LONRF2: variants seen among roughly 807,000 people sequenced by gnomAD.
LONRF2 encodes LON peptidase N-terminal domain and RING finger protein 2.
Under a neutral mutation model 66.6 loss-of-function variants are expected in LONRF2, and 35 were observed. The observed-to-expected ratio is 0.53, with a 90% CI of 0.40 to 0.70. The LOEUF (loss-of-function observed/expected upper bound fraction) is 0.70, where lower values mean the gene tolerates loss of function less well. Among genes scored for constraint, LONRF2 ranks in the 30% least tolerant of loss-of-function variants. The pLI, the probability that LONRF2 is intolerant of heterozygous loss-of-function variation, is 0.00. For missense variants in LONRF2, 902 were observed against 1,002.1 expected, an observed-to-expected ratio of 0.90 and a Z score of 1.35; for synonymous variants, 417 against 418.1, an observed-to-expected ratio of 1.00 and a Z score of 0.03.
At position 100,302,919 on chromosome 2, in the gene LONRF2, A is replaced by G. The variant is rs766806386; in HGVS notation, c.921+2T>C. 1 of 1,595,454 alleles carries G rather than the reference A, an allele frequency of 6.3e-7. No homozygotes were observed. The highest frequency in any genetic ancestry group is 8.5e-7 in the Non-Finnish European group (1 of 1,170,518). On this transcript the variant is annotated splice_donor_variant, in intron 3 of 11. Transcript: ENST00000393437. LOFTEE classifies it high-confidence loss of function. ...GAGAAAGTCCTTTAACAGAACTCAT[A>G]CCTTCTGTGCTTCTTTCTTCACAGA...
chr2:100,315,439 C>T (rs945888870), intron 1 of LONRF2, among the ~76,000 whole-genome samples: 6 of 152,112 alleles, frequency 3.9e-5, no homozygotes, highest in African/African-American at 7.2e-5. Context: ...TAATACATAG[C>T]TATCTAGAAT....
chr2:100,284,572 A>C, intron 11 of LONRF2, 80 bp from the exon 12 acceptor site: 1 of 1,198,480 alleles, frequency 8.3e-7, no homozygotes, highest in Non-Finnish European at 1.1e-6. Context: ...TGCTCCACCA[A>C]CAGACACGTG....
Position 100,273,764 on chromosome 2 carries a change from A to C in LONRF2, c.*10534T>G, listed in dbSNP as rs1483100159. 9.2e-5 allele frequency: 14 copies of C among 152,228 alleles called. No individual in the cohort carries two copies. Among genetic ancestry groups the C allele is most frequent in the Admixed American group, 9.2e-4 (14 of 15,288 alleles). 9.4% of individuals were successfully genotyped at this position (152,228 alleles called of 1,614,324 possible). On this transcript the variant is annotated 3_prime_UTR_variant, in exon 12 of 12. Coordinates refer to ENST00000393437, the MANE Select transcript of LONRF2 (RefSeq NM_198461.4). ...TTCAAATTTGCTCTTCTTATTAAAC[A>C]GAAAAAAAATACACATTCAATTCCT... is the stretch of plus-strand genomic sequence containing the variant.
rs1675656785 is a variant in LONRF2 at position 100,322,292 on chromosome 2, TG to T, written c.-200del. 1 of 415,638 alleles carries T rather than the reference TG, an allele frequency of 2.4e-6. No individual in the cohort carries two copies. The highest frequency in any genetic ancestry group is 1.2e-4 in the South Asian group (1 of 8,114). 25.7% of individuals were successfully genotyped at this position (415,638 alleles called of 1,614,324 possible). On this transcript the variant is annotated 5_prime_UTR_variant, in exon 1 of 12. Coordinates refer to ENST00000393437, the MANE Select transcript of LONRF2 (RefSeq NM_198461.4). ...CTTGGGCAGCGTCCTCAGCGCGGTG[TG>T]GGCGGCGAGCCCCGCAGGGCTGCAA...
In LONRF2 at chr2:100,278,665, G is replaced by A. The variant is rs1674648094; in HGVS notation, c.*5633C>T. 1 of 152,176 alleles carries A rather than the reference G, an allele frequency of 6.6e-6. No homozygotes were observed. The highest frequency in any genetic ancestry group is 1.5e-5 in the Non-Finnish European group (1 of 68,062). 9.4% of individuals were successfully genotyped at this position (152,176 alleles called of 1,614,324 possible). A position where few individuals can be genotyped will look rare whatever the true frequency, so the allele number is the denominator to read the frequency against. Reference sequence around the variant, plus strand: ...ATCAGCACGAGTGGGGGTCCGCTTAGAAAGGAGACCCCACGTCTCACATCC... The same window carrying A: ...ATCAGCACGAGTGGGGGTCCGCTTAAAAAGGAGACCCCACGTCTCACATCC... On this transcript the variant is annotated 3_prime_UTR_variant, in exon 12 of 12. Coordinates refer to ENST00000393437, the MANE Select transcript of LONRF2 (RefSeq NM_198461.4).
Position 100,287,083 on chromosome 2 carries a change from C to T in LONRF2, c.1921-20G>A, listed in dbSNP as rs772507735. 6.2e-7 allele frequency: 1 copy of T among 1,611,912 alleles called. No individual in the cohort carries two copies. Among genetic ancestry groups the T allele is most frequent in the South Asian group, 1.1e-5 (1 of 90,550 alleles). The stretch of plus-strand genomic sequence containing the variant: ...CTCCACCTGATCAGGGAAAGAGGCA[C>T]AGCTGTGTGAACCATTCACAGTAAT... On this transcript the variant is annotated intron_variant, in intron 10 of 11. Coordinates refer to ENST00000393437, the MANE Select transcript of LONRF2 (RefSeq NM_198461.4).
intron 1 of LONRF2, among the ~76,000 whole-genome samples, chr2:100,318,556 G>A (rs1402698036): frequency 6.6e-6 from 1 of 152,152 alleles, no homozygotes; most frequent in Non-Finnish European, 1.5e-5. Context: ...ATCAGGTGTG[G>A]TGGCTCATGT....
intron 9 of LONRF2, 31 bp downstream of exon 9, chr2:100,294,198 A>C: frequency 6.2e-7 from 1 of 1,600,622 alleles, no homozygotes; most frequent in Non-Finnish European, 8.5e-7. Flanking sequence ...CTTCATTAGG[A>C]CCCTTTGAAC....
Position 100,280,668 on chromosome 2 carries a change from C to G in LONRF2, c.*3630G>C, listed in dbSNP as rs1674697421. ...TGGTGGCGCGTGCCTGTAATCCCAG[C>G]TACTCAGGGGGCCAAGGCAAGAGAA... On this transcript the variant is annotated 3_prime_UTR_variant, in exon 12 of 12. Coordinates refer to ENST00000393437, the MANE Select transcript of LONRF2 (RefSeq NM_198461.4). The G allele has an allele frequency of 6.6e-6, 1 of 152,054 alleles. No individual in the cohort carries two copies. The highest frequency in any genetic ancestry group is 2.4e-5 in the African/African-American group (1 of 41,384). 9.4% of individuals were successfully genotyped at this position (152,054 alleles called of 1,614,324 possible). A position where few individuals can be genotyped will look rare whatever the true frequency, so the allele number is the denominator to read the frequency against.
At position 100,284,136 on chromosome 2, in the gene LONRF2, C is replaced by A; in HGVS notation, c.*162G>T. Reference sequence around the variant, plus strand: ...ACACAAGGTCAGATCCCACCAGACACAGAATTGTCATTTTTGAGGAGGACT... The same window carrying A: ...ACACAAGGTCAGATCCCACCAGACAAAGAATTGTCATTTTTGAGGAGGACT... On this transcript the variant is annotated 3_prime_UTR_variant, in exon 12 of 12. Transcript: ENST00000393437. The A allele has an allele frequency of 1.5e-6, 1 of 646,752 alleles. No homozygotes were observed. The highest frequency in any genetic ancestry group is 2.2e-5 in the South Asian group (1 of 44,754). 40.1% of individuals were successfully genotyped at this position (646,752 alleles called of 1,614,324 possible). A position where few individuals can be genotyped will look rare whatever the true frequency, so the allele number is the denominator to read the frequency against.
At chr2:100,302,790 GT>G in intron 3 of LONRF2, 130 bp downstream of exon 3, 1 of 895,330 alleles carries the variant, frequency 1.1e-6, no homozygotes, top group Non-Finnish European at 1.5e-6. Context: ...ATTGCCATGC[GT>G]TTTTTATTGC....
chr2:100,321,313 G>A lies in LONRF2; in HGVS notation c.679+102C>T, dbSNP rs925663855. On this transcript the variant is annotated intron_variant, in intron 1 of 11. Transcript: ENST00000393437. ...AAAGTGACCCCTAAGCCTAGACAAA[G>A]CTCTCGAAAGCCCAAAGCCTCGGGC... 2.9e-6 allele frequency: 3 copies of A among 1,035,332 alleles called. No homozygotes were observed. In the African/African-American group the frequency reaches 5.1e-5, roughly 18 times the overall value. 64.1% of individuals were successfully genotyped at this position (1,035,332 alleles called of 1,614,324 possible).
chr2:100,309,133 A>T lies in LONRF2; in HGVS notation c.772T>A (p.Cys258Ser). 6.3e-7 allele frequency: 1 copy of T among 1,599,746 alleles called. No homozygotes were observed. Among genetic ancestry groups the T allele is most frequent in the Non-Finnish European group, 8.5e-7 (1 of 1,175,060 alleles). ...EQALQDASAACQNEPLLIKGH... is the reference protein window; with the variant it reads ...EQALQDASAASQNEPLLIKGH... ...TTAATCAAGAGAGGTTCATTCTGAC[A>T]AGCTGCACTGGCATCTTGGAGAGCT... Residue 258 changes from cysteine (C) to serine (S), a missense_variant, in exon 2 of 12, where the codon TGT (cysteine) becomes AGT (serine). By Grantham distance (112) the Cys-to-Ser change is moderately radical. This residue lies in a region of LONRF2 where 585 missense variants were observed against 569.9 expected (regional missense o/e 1.03). Transcript: ENST00000393437.
intron 1 of LONRF2, among the ~76,000 whole-genome samples, chr2:100,316,889 ATT>A (rs1675519889): frequency 6.6e-6 from 1 of 152,108 alleles, no homozygotes; most frequent in Non-Finnish European, 1.5e-5. Context: ...TAGGCATATT[ATT>A]ACACATTTTT....
chr2:100,298,257 C>T (rs930541082), intron 7 of LONRF2, among the ~76,000 whole-genome samples: 2 of 152,074 alleles, frequency 1.3e-5, no homozygotes, highest in Non-Finnish European at 2.9e-5. Context: ...CCATACCTAA[C>T]GTAAATGGAT....
At chr2:100,291,544 C>G (rs1674959759) in intron 9 of LONRF2, among the ~76,000 whole-genome samples, 1 of 152,074 alleles carries the variant, frequency 6.6e-6, no homozygotes, top group Non-Finnish European at 1.5e-5. Flanking sequence ...TTGCCTCCCC[C>G]TCACTCCTCC....
At position 100,272,488 on chromosome 2, in the gene LONRF2, G is replaced by C. The variant is rs1461110268; in HGVS notation, c.*11810C>G. 6.6e-6 allele frequency among the ~76,000 whole-genome samples: 1 copy of C among 151,518 alleles called. No homozygotes were observed. The highest frequency in any genetic ancestry group is 1.5e-5 in the Non-Finnish European group (1 of 67,956). ...CCCTCCAGCCTGGATGACACAGCAAGACCATGTCCCCCAAGAAGAAAATAA... is the reference window on the plus strand; with the variant it reads ...CCCTCCAGCCTGGATGACACAGCAACACCATGTCCCCCAAGAAGAAAATAA... On this transcript the variant is annotated 3_prime_UTR_variant, in exon 12 of 12. Transcript: ENST00000393437.
At chr2:100,296,383 G>A (rs1047123078) in intron 7 of LONRF2, among the ~76,000 whole-genome samples, 20 of 152,120 alleles carry the variant, frequency 1.3e-4, no homozygotes, top group African/African-American at 3.1e-4. Context: ...TCTCCACTGC[G>A]CTCATAAAGC....
chr2:100,313,824 T>C (rs1323039274), intron 1 of LONRF2, among the ~76,000 whole-genome samples: 1 of 152,198 alleles, frequency 6.6e-6, no homozygotes, highest in Non-Finnish European at 1.5e-5. Context: ...CTTCTATAAA[T>C]GGATATTTAT....
Sources: allele counts gnomAD v4.1 joint callset (sites outside exome capture counted in the v4.1 genomes callset), GRCh38; gene constraint gnomAD v4.1.1; regional missense constraint gnomAD v4.1.1; transcripts MANE v1.5; gene names NCBI Gene and HGNC (gene_info 2026-07-23, HGNC 2026-07-21).